ABCA1: variants seen among roughly 807,000 people sequenced by gnomAD.
ABCA1 encodes the protein phospholipid-transporting ATPase ABCA1.
Under a neutral mutation model 262.5 loss-of-function variants are expected in ABCA1, and 133 were observed. That is an observed-to-expected ratio of 0.51 (90% CI 0.44 to 0.59). ABCA1 has a LOEUF of 0.59. ABCA1 is among the 20% of genes least tolerant of loss of function. ABCA1 has a pLI of 0.00. For missense variants in ABCA1, 2,452 were observed against 2,777.5 expected (o/e 0.88, Z 2.63); for synonymous variants, 1,022 against 1,043.5 (o/e 0.98, Z 0.40).
chr9:104,904,994 T>C (rs1327409269), intron 1 of ABCA1, among the ~76,000 whole-genome samples: 2 of 152,162 alleles, frequency 1.3e-5, no homozygotes, highest in Non-Finnish European at 2.9e-5. Context: ...TATTTAATGC[T>C]GGAATAGTCC....
chr9:104,917,628 C>T (rs1241229843), intron 1 of ABCA1, among the ~76,000 whole-genome samples: 1 of 152,038 alleles, frequency 6.6e-6, no homozygotes, highest in African/African-American at 2.4e-5. Context: ...GTGGCATGCA[C>T]CTGTAATCCC....
At position 104,858,528 on chromosome 9, in the gene ABCA1, T is replaced by G. The variant is rs541180138; in HGVS notation, c.714A>C (p.Pro238=). 5 of 1,613,830 alleles carry G rather than the reference T, an allele frequency of 3.1e-6. No individual in the cohort carries two copies. The highest frequency in any genetic ancestry group is 3.5e-4 in the Middle Eastern group (2 of 5,746). The stretch of plus-strand genomic sequence containing the variant: ...AGTGAGCAAGTCTACTCACCAGGAT[T>G]GGCTTCAGGATGTCCATGTTGGAAC... ...VLRSNMDILK[P]ILRTLNSTSP... is the part of the protein sequence containing the mutation. Residue 238 remains proline, a synonymous_variant, in exon 7 of 50, where the codon CCA becomes CCC. Coordinates refer to ENST00000374736, the MANE Select transcript of ABCA1 (RefSeq NM_005502.4).
chr9:104,853,413 G>A (rs1835552947), intron 7 of ABCA1, among the ~76,000 whole-genome samples: 1 of 152,172 alleles, frequency 6.6e-6, no homozygotes, highest in South Asian at 2.1e-4. Flanking sequence ...GAGGGAGCTG[G>A]TCGAGAGGTC....
At chr9:104,865,196 C>T (rs917130696) in intron 5 of ABCA1, among the ~76,000 whole-genome samples, 3 of 152,012 alleles carry the variant, frequency 2.0e-5, no homozygotes, top group African/African-American at 7.3e-5. Context: ...GGGGGCTTCA[C>T]AAAAATCCCA....
rs539526526 is a variant in ABCA1 at position 104,830,802 on chromosome 9, C to G, written c.1892+123G>C. On this transcript the variant is annotated intron_variant, in intron 14 of 49. Transcript: ENST00000374736. ...TCTGTCATGTGGCTGCAACTGTTGACAACTTACATCTGGCATCTTATTTCC... is the reference window on the plus strand; with the variant it reads ...TCTGTCATGTGGCTGCAACTGTTGAGAACTTACATCTGGCATCTTATTTCC... The G allele has an allele frequency of 2.9e-5, 33 of 1,146,454 alleles. 1 individual carries two copies. In the African/African-American group the frequency reaches 3.8e-4, roughly 13 times the overall value. The allele number at this position is 1,146,454 out of a possible 1,614,324, so 71.0% of individuals were successfully genotyped here.
intron 47 of ABCA1, 117 bp from the exon 48 acceptor site, chr9:104,786,507 T>C (rs1351208084): frequency 4.4e-6 from 4 of 917,966 alleles, no homozygotes; most frequent in Non-Finnish European, 5.3e-6. Context: ...TACAAGTACA[T>C]GTGGATATAG....
At chr9:104,806,096 C>T in intron 31 of ABCA1, 145 bp downstream of exon 31, 1 of 844,388 alleles carries the variant, frequency 1.2e-6, no homozygotes, top group Non-Finnish European at 1.8e-6. Context: ...CAGAGCAAGA[C>T]TCCGCCTCAG....
At chr9:104,831,342 C>T (rs567590728) in intron 13 of ABCA1, among the ~76,000 whole-genome samples, 12 of 151,766 alleles carry the variant, frequency 7.9e-5, no homozygotes, top group Non-Finnish European at 1.5e-4. Context: ...CTCAGCCTCC[C>T]GAGTAGCTGG....
chr9:104,803,968 T>C (rs1353044555), intron 32 of ABCA1, among the ~76,000 whole-genome samples: 2 of 152,206 alleles, frequency 1.3e-5, no homozygotes, highest in Non-Finnish European at 1.5e-5. Flanking sequence ...GAAATTATGC[T>C]TCTTTCTTAG....
chr9:104,786,346 A>T lies in ABCA1; in HGVS notation c.6353T>A (p.Val2118Asp), dbSNP rs576717591. The T allele has an allele frequency of 6.2e-7, 1 of 1,614,152 alleles. No homozygotes were observed. Among genetic ancestry groups the T allele is most frequent in the Admixed American group, 1.7e-5 (1 of 60,022 alleles). ...EALCTRMAIMVNGRFRCLGSV... is the reference protein window; with the variant it reads ...EALCTRMAIMDNGRFRCLGSV... ...GCCAAGGCACCTGAACCTTCCATTG[A>T]CCATGATTGCCATCCTAGTGCAAAG... The change falls in exon 48 of 50, where the codon GTC becomes GAC. Residue 2118 changes from valine (V) to aspartate (D), a missense_variant. Physicochemically the swap from Val to Asp is radical, Grantham distance 152. This residue lies in a region of ABCA1 where 752 missense variants were observed against 944.5 expected (regional missense o/e 0.80). Coordinates refer to ENST00000374736, the MANE Select transcript of ABCA1 (RefSeq NM_005502.4).
At chr9:104,806,155 A>G in intron 31 of ABCA1, 86 bp downstream of exon 31, 1 of 1,351,106 alleles carries the variant, frequency 7.4e-7, no homozygotes, top group Admixed American at 1.9e-5. Flanking sequence ...TCCCAACATG[A>G]TATCTCACTC....
At chr9:104,913,776 T>TTTTTA (rs146573885) in intron 1 of ABCA1, among the ~76,000 whole-genome samples, 1 of 152,066 alleles carries the variant, frequency 6.6e-6, no homozygotes, top group East Asian at 1.9e-4. Flanking sequence ...TCCCTACAAG[T>TTTTTA]TTTTATTTTA....
At chr9:104,840,251 C>G (rs1320108676) in intron 9 of ABCA1, 28 bp downstream of exon 9, 1 of 1,613,896 alleles carries the variant, frequency 6.2e-7, no homozygotes, top group South Asian at 1.1e-5. Context: ...GGGTTGGGGA[C>G]AGGGCTGGGG....
intron 1 of ABCA1, among the ~76,000 whole-genome samples, chr9:104,918,047 G>T (rs913428246): frequency 6.6e-6 from 1 of 152,182 alleles, no homozygotes; most frequent in African/African-American, 2.4e-5. Context: ...TGAGTGGGCT[G>T]AAATGCTACC....
intron 20 of ABCA1, 84 bp from the exon 21 acceptor site, chr9:104,820,153 G>T: frequency 6.5e-7 from 1 of 1,546,392 alleles, no homozygotes; most frequent in Non-Finnish European, 8.9e-7. Flanking sequence ...AGATGAGAAT[G>T]GGCATATTTT....
chr9:104,806,298 T>G lies in ABCA1; in HGVS notation c.4407A>C (p.Lys1469Asn). 1.2e-6 allele frequency: 2 copies of G among 1,614,018 alleles called. No individual in the cohort carries two copies. Among genetic ancestry groups the G allele is most frequent in the Non-Finnish European group, 1.7e-6 (2 of 1,180,026 alleles). Reference protein sequence around the residue: ...PSPACQCSSDKIKKMLPVCPP... With the variant: ...PSPACQCSSDNIKKMLPVCPP... ...GACACACAGGCAGCATCTTCTTGAT[T>G]TTGTCGCTGCTACACTGGCATGCAG... Residue 1469 changes from lysine to asparagine, a missense_variant, in exon 31 of 50, where the codon AAA (lysine) becomes AAC (asparagine). Physicochemically the swap from Lys to Asn is moderately conservative, Grantham distance 94. Around this residue, in one of 4 missense-constraint regions of ABCA1, gnomAD observed 665 missense variants for 727.3 expected, o/e 0.91. Transcript: ENST00000374736.
chr9:104,807,704 T>C (rs1377918441), intron 30 of ABCA1, among the ~76,000 whole-genome samples: 1 of 151,152 alleles, frequency 6.6e-6, no homozygotes, highest in South Asian at 2.1e-4. Context: ...TCCCAGCTAC[T>C]CAGGAGGCTG....
chr9:104,887,743 T>TTTC (rs1839312772), intron 3 of ABCA1, among the ~76,000 whole-genome samples: 1 of 148,752 alleles, frequency 6.7e-6, no homozygotes, highest in Admixed American at 6.7e-5. Flanking sequence ...TTTTTTTTTT[T>TTTC]TGAGACAGAG....
At chr9:104,791,165 TATAG>T in intron 43 of ABCA1, 137 bp from the exon 44 acceptor site, 1 of 623,218 alleles carries the variant, frequency 1.6e-6, no homozygotes, top group African/African-American at 1.8e-5. Flanking sequence ...TAACACATCG[TATAG>T]ATATTTAAAT....
Sources: allele counts gnomAD v4.1 joint callset (sites outside exome capture counted in the v4.1 genomes callset), GRCh38; gene constraint gnomAD v4.1.1; regional missense constraint gnomAD v4.1.1; transcripts MANE v1.5; gene names NCBI Gene and HGNC (gene_info 2026-07-23, HGNC 2026-07-21).